Variants in ZNF568 observed in about 807,000 individuals in gnomAD.
ZNF568 encodes the protein zinc finger protein 568.
Under a neutral mutation model 18.1 loss-of-function variants are expected in ZNF568, and 11 were observed. That is an observed-to-expected ratio of 0.61 (90% CI 0.38 to 1.00). ZNF568 has a LOEUF of 1.00. Among genes scored for constraint, ZNF568 ranks in the 50% least tolerant of loss-of-function variants. ZNF568 has a pLI of 0.01. For synonymous variants in ZNF568, 213 were observed against 246.6 expected (o/e 0.86, Z 1.28); for missense variants, 639 against 768.2 (o/e 0.83, Z 1.99).
chr19:36,977,731 C>T (rs752821291), intron 7 of ZNF568, among the ~76,000 whole-genome samples: 27 of 152,218 alleles, frequency 1.8e-4, no homozygotes, highest in African/African-American at 2.4e-4. Flanking sequence ...TTGTCTATTT[C>T]TCCCTGTATC....
downstream of ZNF568, among the ~76,000 whole-genome samples, chr19:36,982,486 A>G (rs1412042420): frequency 6.6e-6 from 1 of 152,080 alleles, no homozygotes; most frequent in Non-Finnish European, 1.5e-5. Context: ...ATCACCTGAG[A>G]TCAGGAATTC....
intron 7 of ZNF568, among the ~76,000 whole-genome samples, chr19:36,978,205 A>G (rs995277623): frequency 3.3e-5 from 5 of 152,252 alleles, no homozygotes; most frequent in South Asian, 2.1e-4. Context: ...CGTTCATTGC[A>G]TATTTACTAA....
At chr19:36,955,246 T>C (rs112851770), downstream of ZNF568, among the ~76,000 whole-genome samples, 2,568 of 151,930 alleles carry the variant, frequency 0.017, 32 homozygotes, top group African/African-American at 0.036. Context: ...CTTTTTAATG[T>C]TTTTTGTTTG....
chr19:36,997,080 C>T (rs1453957199), exon 5 of ZNF568: 8 of 1,565,444 alleles, frequency 5.1e-6, no homozygotes. Flanking sequence ...TTCGTTATGA[C>T]ACACAGCTGA....
chr19:36,927,363 T>C (rs989263699), intron 4 of ZNF568, among the ~76,000 whole-genome samples: 5 of 152,168 alleles, frequency 3.3e-5, no homozygotes, highest in African/African-American at 4.8e-5. Context: ...GATTATAATA[T>C]TGTAATTGGT....
exon 8 of ZNF568, chr19:36,979,171 C>G (rs531311243): frequency 4.9e-6 from 1 of 204,018 alleles, no homozygotes; most frequent in Non-Finnish European, 1.0e-5. Context: ...TTTATAGAGA[C>G]GGGGTTTCTC....
At chr19:36,968,390 T>C (rs550017) in intron 6 of ZNF568, among the ~76,000 whole-genome samples, 1 of 151,300 alleles carries the variant, frequency 6.6e-6, no homozygotes, top group African/African-American at 2.4e-5. Context: ...CTGGCCAACA[T>C]GGTGAAACCC....
intron 4 of ZNF568, among the ~76,000 whole-genome samples, chr19:36,925,620 G>T (rs2073538783): frequency 6.6e-6 from 1 of 151,854 alleles, no homozygotes; most frequent in Non-Finnish European, 1.5e-5. Context: ...AATATAGTTG[G>T]ACTTCTGTAT....
chr19:36,920,619 TAAA>T (rs35877781), intron 2 of ZNF568, among the ~76,000 whole-genome samples: 1 of 139,720 alleles, frequency 7.2e-6, no homozygotes, highest in Non-Finnish European at 1.5e-5. Context: ...AGACTCCATC[TAAA>T]AAAAAAAAAA....
chr19:36,934,107 AGTAAT>A (rs1430412964), intron 4 of ZNF568, among the ~76,000 whole-genome samples: 3 of 151,100 alleles, frequency 2.0e-5, no homozygotes, highest in African/African-American at 7.3e-5. Flanking sequence ...TAAGATTAGT[AGTAAT>A]GTTTCTTCTT....
chr19:36,949,017 G>A (rs1057017867), intron 6 of ZNF568, among the ~76,000 whole-genome samples: 1 of 151,986 alleles, frequency 6.6e-6, no homozygotes, highest in African/African-American at 2.4e-5. Context: ...GCAGTATTAT[G>A]TTAAAATCTC....
At chr19:36,956,940 A>C (rs2074111523), downstream of ZNF568, among the ~76,000 whole-genome samples, 1 of 152,196 alleles carries the variant, frequency 6.6e-6, no homozygotes, top group African/African-American at 2.4e-5. Context: ...AACTCATTAC[A>C]TGTTAATACA....
chr19:36,953,961 C>T (rs909205371), downstream of ZNF568, among the ~76,000 whole-genome samples: 2 of 149,478 alleles, frequency 1.3e-5, no homozygotes, highest in Admixed American at 6.7e-5. Context: ...TGGTGGCTCA[C>T]GCCTGTAATC....
chr19:36,935,559 C>CA lies in ZNF568; in HGVS notation c.136-1169dup, dbSNP rs35289380. 1.4e-3 allele frequency among the ~76,000 whole-genome samples: 175 copies of CA among 127,182 alleles called. 1 individual carries two copies. The highest frequency in any genetic ancestry group is 4.4e-3 in the Middle Eastern group (1 of 226). 83.4% of individuals were successfully genotyped at this position (127,182 alleles called of 152,430 possible). ...TAGGCGACAGACTGAGACTCTGTAT[C>CA]AAAAAAAAAAAAAAAAAAGTAGTGT... On this transcript the variant is annotated intron_variant, in intron 4 of 6. Coordinates refer to ENST00000333987, the MANE Select transcript of ZNF568 (RefSeq NM_198539.4).
intron 4 of ZNF568, among the ~76,000 whole-genome samples, chr19:36,993,005 G>A (rs2074439264): frequency 6.6e-6 from 1 of 152,102 alleles, no homozygotes; most frequent in Non-Finnish European, 1.5e-5. Flanking sequence ...GTATTCCATG[G>A]TATAGATATT....
chr19:36,922,943 G>A (rs189444011), intron 3 of ZNF568, 97 bp downstream of exon 3: 204 of 993,120 alleles, frequency 2.1e-4, no homozygotes, highest in East Asian at 5.1e-5. Context: ...GAAAGGTCAC[G>A]TATGTTAATT....
chr19:36,953,800 A>G (rs1316233920), downstream of ZNF568, among the ~76,000 whole-genome samples: 1 of 152,132 alleles, frequency 6.6e-6, no homozygotes, highest in East Asian at 1.9e-4. Flanking sequence ...AATCCCAACT[A>G]CTCAGAAGGC....
At chr19:36,993,398 T>G (rs977516085) in intron 4 of ZNF568, among the ~76,000 whole-genome samples, 1 of 152,190 alleles carries the variant, frequency 6.6e-6, no homozygotes. Flanking sequence ...TTGCTTTGTC[T>G]GGTTGGTATC....
chr19:36,950,502 A>G lies in ZNF568; in HGVS notation c.1349A>G (p.Glu450Gly), dbSNP rs1372113733. The G allele has an allele frequency of 9.9e-6, 16 of 1,613,982 alleles. No homozygotes were observed. The highest frequency in any genetic ancestry group is 1.3e-5 in the Non-Finnish European group (15 of 1,179,984). Residue 450 changes from glutamate to glycine, a missense_variant, in exon 7 of 7, where the codon GAA becomes GGA. Coordinates refer to ENST00000333987, the MANE Select transcript of ZNF568 (RefSeq NM_198539.4). Reference sequence around the variant, plus strand: ...GCTGAGAAACCCTATGAATGTAAGGAATGTGGAAAAGCCTTCAGCAGGAAA... The same window carrying G: ...GCTGAGAAACCCTATGAATGTAAGGGATGTGGAAAAGCCTTCAGCAGGAAA... Reference protein sequence around the residue: ...HTAEKPYECKECGKAFSRKEN... With the variant: ...HTAEKPYECKGCGKAFSRKEN...
Sources: gnomAD v4.1 joint callset for allele counts (sites outside exome capture counted in the v4.1 genomes callset) on GRCh38, gnomAD v4.1.1 for gene constraint, MANE v1.5 for transcripts, NCBI Gene and HGNC (gene_info 2026-07-23, HGNC 2026-07-21) for gene names.